TRIM40: variants seen among roughly 807,000 people sequenced by gnomAD.
The protein encoded by TRIM40 is tripartite motif containing 40, also known as E3 ubiquitin ligase TRIM40.
In TRIM40, 27 loss-of-function variants were observed where a neutral mutation model predicts 26.1. That is an observed-to-expected ratio of 1.04 (90% CI 0.76 to 1.43). The LOEUF (loss-of-function observed/expected upper bound fraction) is 1.43. Among genes scored for constraint, TRIM40 ranks in the 40% most tolerant of loss-of-function variants. The probability of loss-of-function intolerance (pLI) is 0.00; values close to 1 mark genes in which losing one functional copy is unlikely to be tolerated. For synonymous variants in TRIM40, 114 were observed against 120.0 expected (o/e 0.95, Z 0.33); for missense variants, 289 against 307.9 (o/e 0.94, Z 0.46).
At position 30,146,977 on chromosome 6, in the gene TRIM40, T is replaced by C. The variant is rs1771700423; in HGVS notation, c.442-8T>C. 1 of 1,572,256 alleles carries C rather than the reference T, an allele frequency of 6.4e-7. No homozygotes were observed. Among genetic ancestry groups the C allele is most frequent in the Non-Finnish European group, 8.6e-7 (1 of 1,159,430 alleles). On this transcript the variant is annotated splice_polypyrimidine_tract_variant and splice_region_variant and intron_variant, in intron 3 of 5. Coordinates refer to ENST00000396581, the MANE Select transcript of TRIM40 (RefSeq NM_001286633.2). Reference sequence around the variant, plus strand: ...GACACTGAGTCTTAGGGAGCCCCTTTCCTGTAGTTTCAGGTAGACCACGGG... The same window carrying C: ...GACACTGAGTCTTAGGGAGCCCCTTCCCTGTAGTTTCAGGTAGACCACGGG...
intron 2 of TRIM40, among the ~76,000 whole-genome samples, chr6:30,140,118 GGTGGGAGT>G (rs1771259158): frequency 6.6e-6 from 1 of 152,206 alleles, no homozygotes; most frequent in African/African-American, 2.4e-5. Flanking sequence ...TTACACTGTT[GGTGGGAGT>G]GTAAATTAGT....
intron 2 of TRIM40, among the ~76,000 whole-genome samples, chr6:30,144,804 G>T (rs1191037377): frequency 6.6e-6 from 1 of 152,216 alleles, no homozygotes; most frequent in East Asian, 1.9e-4. Context: ...GTAGATGCAA[G>T]CGGTGAAGGC....
At chr6:30,146,201 C>A in intron 3 of TRIM40, 112 bp downstream of exon 3, 5 of 913,982 alleles carry the variant, frequency 5.5e-6, no homozygotes, top group South Asian at 4.6e-5. Context: ...GGCAGATGGT[C>A]GTGGAGGCTG....
At position 30,148,084 on chromosome 6, in the gene TRIM40, A is replaced by G. The variant is rs779863108; in HGVS notation, c.*272A>G. ...CATGGTCTCCAGGAGCATTTGTGAA[A>G]TCTCCATTTTGCCTGTAAACTGATG... is the stretch of plus-strand genomic sequence containing the variant. On this transcript the variant is annotated 3_prime_UTR_variant, in exon 6 of 6. Coordinates refer to ENST00000396581, the MANE Select transcript of TRIM40 (RefSeq NM_001286633.2). 3.7e-6 allele frequency: 2 copies of G among 540,596 alleles called. No homozygotes were observed. The highest frequency in any genetic ancestry group is 6.6e-6 in the Non-Finnish European group (2 of 303,456). The allele number at this position is 540,596 out of a possible 1,614,324, so 33.5% of individuals were successfully genotyped here.
chr6:30,136,968 C>A lies in TRIM40; in HGVS notation c.-69C>A. 6.6e-7 allele frequency: 1 copy of A among 1,506,090 alleles called. No homozygotes were observed. 93.3% of individuals were successfully genotyped at this position (1,506,090 alleles called of 1,614,324 possible). A position where few individuals can be genotyped will look rare whatever the true frequency, so the allele number is the denominator to read the frequency against. On this transcript the variant is annotated 5_prime_UTR_variant, in exon 2 of 6. Coordinates refer to ENST00000396581, the MANE Select transcript of TRIM40 (RefSeq NM_001286633.2). ...TCTTATCTGGGACTGTTGAGGGCAACAGGCCTTCCGAAGACCAGTGAAGAA... is the reference window on the plus strand; with the variant it reads ...TCTTATCTGGGACTGTTGAGGGCAAAAGGCCTTCCGAAGACCAGTGAAGAA...
intron 4 of TRIM40, 134 bp downstream of exon 4, chr6:30,147,343 G>A (rs879065278): frequency 1.5e-6 from 2 of 1,359,412 alleles, no homozygotes; most frequent in South Asian, 1.3e-5. Flanking sequence ...GATGTGGCTT[G>A]TTCCAGGCTA....
chr6:30,141,431 C>T (rs984368302), intron 2 of TRIM40, among the ~76,000 whole-genome samples: 5 of 152,224 alleles, frequency 3.3e-5, no homozygotes, highest in Non-Finnish European at 5.9e-5. Flanking sequence ...TGGGAAAGGC[C>T]GTCATTTAGA....
At chr6:30,138,127 C>T (rs115031955) in intron 2 of TRIM40, among the ~76,000 whole-genome samples, 1,682 of 152,210 alleles carry the variant, frequency 0.011, 25 homozygotes, top group African/African-American at 0.034. Context: ...TTCTGTAACT[C>T]ATTTTTGTTA....
In TRIM40 at chr6:30,137,296, T is replaced by G; in HGVS notation, c.260T>G (p.Leu87Arg). 1.2e-6 allele frequency: 2 copies of G among 1,613,000 alleles called. No homozygotes were observed. The highest frequency in any genetic ancestry group is 4.5e-5 in the East Asian group (2 of 44,886). Reference sequence around the variant, plus strand: ...TGCAGGTTCTGTGAGGAGAGCAGACTTCTTCTATGTGTGGAATGCCTGGTG... The same window carrying G: ...TGCAGGTTCTGTGAGGAGAGCAGACGTCTTCTATGTGTGGAATGCCTGGTG... ...RVCRFCEESR[L>R]LLCVECLVSP... The change falls in exon 2 of 6, where the codon CTT (leucine) becomes CGT (arginine). Residue 87 changes from leucine to arginine, a missense_variant. Leu to Arg is a moderately radical substitution (Grantham distance 102). Coordinates refer to ENST00000396581, the MANE Select transcript of TRIM40 (RefSeq NM_001286633.2).
rs148660479 is a variant in TRIM40, at chr6:30,147,048, G to A, written c.505G>A (p.Glu169Lys). The change falls in exon 4 of 6, where the codon GAA becomes AAA. Residue 169 changes from glutamate to lysine, a missense_variant. Transcript: ENST00000396581. Reference sequence around the variant, plus strand: ...GCCGGAGAGCCAGCACCAAACCAGGGAACAGCTGGGTGCCCTCCCTCAGCA... The same window carrying A: ...GCCGGAGAGCCAGCACCAAACCAGGAAACAGCTGGGTGCCCTCCCTCAGCA... ...AGPESQHQTR[E>K]QLGALPQQWL... 17,449 of 1,613,466 alleles carry A rather than the reference G, an allele frequency of 0.011. 178 individuals are homozygous for A. Among genetic ancestry groups the A allele is most frequent in the South Asian group, 0.028 (2,565 of 91,052 alleles).
rs1361442798 is a variant in TRIM40, at chr6:30,137,283, G to A, written c.247G>A (p.Glu83Lys). ...NHQKRVCRFC[E>K]ESRLLLCVEC... is the part of the protein sequence containing the mutation. ...CCAGAAGAGGGTGTGCAGGTTCTGT[G>A]AGGAGAGCAGACTTCTTCTATGTGT... is the stretch of plus-strand genomic sequence containing the variant. Residue 83 changes from glutamate (E) to lysine (K), a missense_variant, in exon 2 of 6, where the codon GAG (glutamate) becomes AAG (lysine). By Grantham distance (56) the Glu-to-Lys change is moderately conservative. Transcript: ENST00000396581. The A allele has an allele frequency of 1.9e-6, 3 of 1,613,066 alleles. No homozygotes were observed. In the Admixed American group the frequency reaches 5.0e-5, roughly 27 times the overall value.
Position 30,146,912 on chromosome 6 carries a change from A to G in TRIM40, c.442-73A>G. On this transcript the variant is annotated intron_variant, in intron 3 of 5. Transcript: ENST00000396581. ...GACTGAGGAATCAGCATTCCTGCTC[A>G]GACATTCAGAGACTGTGAAGGGCCA... is the stretch of plus-strand genomic sequence containing the variant. 5 of 1,434,006 alleles carry G rather than the reference A, an allele frequency of 3.5e-6. No individual in the cohort carries two copies. The South Asian group carries it at 6.3e-5, about 18-fold the overall frequency. The allele number at this position is 1,434,006 out of a possible 1,614,324, so 88.8% of individuals were successfully genotyped here. A position where few individuals can be genotyped will look rare whatever the true frequency, so the allele number is the denominator to read the frequency against.
intron 2 of TRIM40, among the ~76,000 whole-genome samples, chr6:30,137,810 CTTTT>C (rs138397707): frequency 0.011 from 1,685 of 152,298 alleles, 25 homozygotes; most frequent in African/African-American, 0.034. Context: ...TTTTTTCTCT[CTTTT>C]TCTTCCTTCT....
intron 1 of TRIM40, 45 bp from the exon 2 acceptor site, chr6:30,136,688 C>A: frequency 3.3e-6 from 1 of 305,644 alleles, no homozygotes; most frequent in South Asian, 8.3e-5. Context: ...TGAAAGCTGT[C>A]AAGAGGAAAA....
intron 3 of TRIM40, among the ~76,000 whole-genome samples, chr6:30,146,537 G>A (rs1051735544): frequency 2.0e-5 from 3 of 151,974 alleles, no homozygotes; most frequent in Non-Finnish European, 2.9e-5. Context: ...TCAGCCTCCC[G>A]AGTACTGGGA....
rs1771799335 is a variant in TRIM40, at chr6:30,148,382, T to A, written c.*570T>A. The stretch of plus-strand genomic sequence containing the variant: ...AGTGGGATCTGTGACTTGCTTCTAA[T>A]GAATGGAATAAGGCAAAGGTGATAG... On this transcript the variant is annotated 3_prime_UTR_variant, in exon 6 of 6. Coordinates refer to ENST00000396581, the MANE Select transcript of TRIM40 (RefSeq NM_001286633.2). The A allele has an allele frequency of 6.1e-6, 1 of 163,716 alleles. No homozygotes were observed. 10.1% of individuals were successfully genotyped at this position (163,716 alleles called of 1,614,324 possible).
In TRIM40 at chr6:30,146,010, G is replaced by A. The variant is rs62407482; in HGVS notation, c.362G>A (p.Arg121Gln). ...LSHYKERLNR[R>Q]SRKLRKDIAE... ...TCTCTTTAGGAACGACTCAATCGCC[G>A]GAGCAGGAAGCTCAGAAAGGACATT... The change falls in exon 3 of 6, where the codon CGG (arginine) becomes CAG (glutamine). Residue 121 changes from arginine (R) to glutamine (Q), a missense_variant. Transcript: ENST00000396581. 436 of 1,612,940 alleles carry A rather than the reference G, an allele frequency of 2.7e-4. 2 individuals are homozygous for A. Among genetic ancestry groups the A allele is most frequent in the Middle Eastern group, 2.3e-3 (14 of 6,054 alleles).
chr6:30,147,406 C>T (rs1771735738), intron 4 of TRIM40, 114 bp from the exon 5 acceptor site: 1 of 1,527,212 alleles, frequency 6.5e-7, no homozygotes, highest in Non-Finnish European at 9.0e-7. Context: ...GCTATGTTCC[C>T]CCAGTTCTCA....
At chr6:30,139,607 A>T (rs1771222312) in intron 2 of TRIM40, among the ~76,000 whole-genome samples, 1 of 152,032 alleles carries the variant, frequency 6.6e-6, no homozygotes. Context: ...TCCCAAAAGA[A>T]CTGTAACTTT....
Sources: gnomAD v4.1 joint callset for allele counts (sites outside exome capture counted in the v4.1 genomes callset) on GRCh38, gnomAD v4.1.1 for gene constraint, MANE v1.5 for transcripts, NCBI Gene and HGNC (gene_info 2026-07-23, HGNC 2026-07-21) for gene names.